Variants in NFATC4 observed in about 807,000 individuals in gnomAD.
NFATC4 encodes the protein nuclear factor of activated T cells 4, also known as nuclear factor of activated T-cells, cytoplasmic 4.
A neutral mutation model predicts 73.4 loss-of-function variants in NFATC4; 25 were observed. The ratio of observed to expected loss-of-function variants is 0.34; its 90% CI spans 0.25 to 0.48. The LOEUF (loss-of-function observed/expected upper bound fraction) is 0.48, where lower values mean the gene tolerates loss of function less well. NFATC4 is among the 20% of genes least tolerant of loss of function. The probability of loss-of-function intolerance (pLI) is 0.99; values close to 1 mark genes in which losing one functional copy is unlikely to be tolerated. For missense variants in NFATC4, 1,130 were observed against 1,203.7 expected (o/e 0.94, Z 0.91); for synonymous variants, 523 against 510.3 (o/e 1.02, Z -0.34).
rs201492289 is a variant in NFATC4 at position 24,376,024 on chromosome 14, G to A, written c.1979G>A (p.Arg660Gln). The change falls in exon 8 of 10, where the codon CGG becomes CAG. Residue 660 changes from arginine (R) to glutamine (Q), a missense_variant. By Grantham distance (43) the Arg-to-Gln change is conservative. Coordinates refer to ENST00000250373, the MANE Select transcript of NFATC4 (RefSeq NM_004554.5). The surrounding 1 kb of genome is among the most constrained non-coding windows in gnomAD (Gnocchi z 5.0). Reference protein sequence around the residue: ...VPEYSNKRVSRPVQVYFYVSN... With the variant: ...VPEYSNKRVSQPVQVYFYVSN... ...GAGTACAGCAACAAGAGGGTTTCCC[G>A]GCCAGTCCAGGTCTACTTTTATGTC... 67 of 1,614,020 alleles carry A rather than the reference G, an allele frequency of 4.2e-5. 1 individual carries two copies. Among genetic ancestry groups the A allele is most frequent in the African/African-American group, 1.7e-4 (13 of 74,988 alleles).
At chr14:24,374,793 C>A (rs1474214209) in intron 6 of NFATC4, 1 of 190,332 alleles carries the variant, frequency 5.3e-6, no homozygotes, top group Non-Finnish European at 1.1e-5. Flanking sequence ...CACAGCTGCC[C>A]GCTGGGCCCC....
At chr14:24,374,645 A>G in intron 6 of NFATC4, 179 bp downstream of exon 6, 1 of 571,832 alleles carries the variant, frequency 1.7e-6, no homozygotes, top group South Asian at 2.5e-5. Flanking sequence ...TGGGTATGAC[A>G]GCAATCTAAA....
rs924164190 is a variant in NFATC4 at position 24,377,088 on chromosome 14, G to A, written c.2641+210G>A. 7.5e-7 allele frequency: 1 copy of A among 1,328,222 alleles called. No homozygotes were observed. Among genetic ancestry groups the A allele is most frequent in the Admixed American group, 3.6e-5 (1 of 27,832 alleles). The allele number at this position is 1,328,222 out of a possible 1,614,324, so 82.3% of individuals were successfully genotyped here. On this transcript the variant is annotated intron_variant, in intron 9 of 9. Coordinates refer to ENST00000250373, the MANE Select transcript of NFATC4 (RefSeq NM_004554.5). The surrounding 1 kb of genome is among the most constrained non-coding windows in gnomAD (Gnocchi z 4.2). ...AAGAGTGCATGGGGTAACTGTCTCA[G>A]CCTTTCTCCTGTCTCTGCCTCTGTC...
intron 6 of NFATC4, among the ~76,000 whole-genome samples, chr14:24,374,862 G>A (rs1282319231): frequency 6.6e-6 from 1 of 152,172 alleles, no homozygotes; most frequent in Admixed American, 6.5e-5. Context: ...TGGAGCTACA[G>A]GAGTGGAGGA....
In NFATC4 at chr14:24,375,682, G is replaced by A; in HGVS notation, c.1896G>A (p.Glu632=). ...CAGATGGGAAGCTGCAATGGGAGGA[G>A]GAGGCCACAGTGAACCGACTGCAGA... ...RGPDGKLQWE[E]EATVNRLQSN... Residue 632 remains glutamate (E), a synonymous_variant, in exon 7 of 10, where the codon GAG becomes GAA. Coordinates refer to ENST00000250373, the MANE Select transcript of NFATC4 (RefSeq NM_004554.5). 6 of 1,559,750 alleles carry A rather than the reference G, an allele frequency of 3.8e-6. No individual in the cohort carries two copies. Among genetic ancestry groups the A allele is most frequent in the Non-Finnish European group, 5.2e-6 (6 of 1,151,140 alleles).
chr14:24,372,510 G>A lies in NFATC4; in HGVS notation c.1266G>A (p.Glu422=). The change falls in exon 3 of 10, where the codon GAG becomes GAA. Residue 422 remains glutamate (E), a synonymous_variant. Coordinates refer to ENST00000250373, the MANE Select transcript of NFATC4 (RefSeq NM_004554.5). The stretch of plus-strand genomic sequence containing the variant: ...ATGAGCAGCTGGAGCTGAGGATCGA[G>A]GTACAGCCTAGAGCCCACCACCGGG... ...SQYEQLELRI[E]VQPRAHHRAH... 1.2e-6 allele frequency: 2 copies of A among 1,614,076 alleles called. No homozygotes were observed. Among genetic ancestry groups the A allele is most frequent in the Non-Finnish European group, 1.7e-6 (2 of 1,180,046 alleles).
In NFATC4 at chr14:24,369,731, C is replaced by T. The variant is rs55651033; in HGVS notation, c.333C>T (p.Leu111=). Residue 111 remains leucine (L), a synonymous_variant, in exon 2 of 10, where the codon CTC becomes CTT. Transcript: ENST00000250373. ...GAGGAGGGRV[L]ECPSIRITSI... Reference sequence around the variant, plus strand: ...GGGGTGCTGGGGGTGGCCGTGTTCTCGAGTGTCCCAGCATCCGCATCACCT... The same window carrying T: ...GGGGTGCTGGGGGTGGCCGTGTTCTTGAGTGTCCCAGCATCCGCATCACCT... 999 of 1,609,568 alleles carry T rather than the reference C, an allele frequency of 6.2e-4. 14 individuals are homozygous for T. The East Asian group carries it at 0.019, about 30-fold the overall frequency.
At chr14:24,371,527 G>C (rs1000958576) in intron 2 of NFATC4, among the ~76,000 whole-genome samples, 2 of 152,146 alleles carry the variant, frequency 1.3e-5, no homozygotes, top group African/African-American at 2.4e-5. Flanking sequence ...ACTGTCCTAG[G>C]GTATCAGGGA....
At position 24,373,828 on chromosome 14, in the gene NFATC4, G is replaced by T. The variant is rs966630689; in HGVS notation, c.1693G>T (p.Val565Phe). The change falls in exon 5 of 10, where the codon GTC (valine) becomes TTC (phenylalanine). Residue 565 changes from valine (V) to phenylalanine (F), a missense_variant. Physicochemically the swap from Val to Phe is conservative, Grantham distance 50 (BLOSUM62 -1). Coordinates refer to ENST00000250373, the MANE Select transcript of NFATC4 (RefSeq NM_004554.5). The surrounding 1 kb of genome is among the most constrained non-coding windows in gnomAD (Gnocchi z 4.7). ...RVHVPQGGGK[V>F]VSVQAASVPI... is the part of the protein sequence containing the mutation. ...ACACGTGCCCCAGGGCGGCGGGAAG[G>T]TCGTCTCAGTACAGGCAGCATCGGT... The T allele has an allele frequency of 6.2e-6, 10 of 1,613,962 alleles. No homozygotes were observed. The highest frequency in any genetic ancestry group is 4.0e-5 in the African/African-American group (3 of 74,938).
Position 24,376,218 on chromosome 14 carries a change from A to G in NFATC4, c.2057-76A>G. The G allele has an allele frequency of 1.3e-6, 2 of 1,571,102 alleles. No homozygotes were observed. Among genetic ancestry groups the G allele is most frequent in the Non-Finnish European group, 1.7e-6 (2 of 1,156,636 alleles). On this transcript the variant is annotated intron_variant, in intron 8 of 9. Coordinates refer to ENST00000250373, the MANE Select transcript of NFATC4 (RefSeq NM_004554.5). The surrounding 1 kb of genome is among the most constrained non-coding windows in gnomAD (Gnocchi z 5.0). ...GGGGTGAATGGAACCTGGGAGGAGCAGGCAGCTGGAAGGTGTGCAGTGGGG... is the reference window on the plus strand; with the variant it reads ...GGGGTGAATGGAACCTGGGAGGAGCGGGCAGCTGGAAGGTGTGCAGTGGGG...
chr14:24,368,019 TGAAGAGAGGACAGAGGGAGG>T, upstream of NFATC4: 1 of 929,214 alleles, frequency 1.1e-6, no homozygotes, highest in Non-Finnish European at 1.2e-6. Flanking sequence ...GGGGAGGGAC[TGAAGAGAGGACAGAGGGAGG>T]GAGGGTGGGG....
intron 3 of NFATC4, 84 bp downstream of exon 3, chr14:24,372,687 C>T: frequency 6.5e-7 from 1 of 1,543,236 alleles, no homozygotes. Context: ...CTGCCCTTTC[C>T]CACACTCCCT....
rs2042620650 is a variant in NFATC4, at chr14:24,376,429, C to T, written c.2192C>T (p.Ala731Val). 2 of 1,613,822 alleles carry T rather than the reference C, an allele frequency of 1.2e-6. No homozygotes were observed. Among genetic ancestry groups the T allele is most frequent in the African/African-American group, 2.7e-5 (2 of 74,960 alleles). Residue 731 changes from alanine to valine, a missense_variant, in exon 9 of 10, where the codon GCT becomes GTT. Physicochemically the swap from Ala to Val is moderately conservative, Grantham distance 64. This residue lies in a region of NFATC4 where 390 missense variants were observed against 408.1 expected (regional missense o/e 0.96). Coordinates refer to ENST00000250373, the MANE Select transcript of NFATC4 (RefSeq NM_004554.5). This position sits in a 1 kb window ranked among gnomAD's most constrained non-coding sequence, Gnocchi z 5.0. ...CCCTCCTATCCCCATGAAGACCCTG[C>T]TTGCGAAACTCCTTACCTATCAGAA... is the stretch of plus-strand genomic sequence containing the variant. The part of the protein sequence containing the change: ...PYPSYPHEDP[A>V]CETPYLSEGF...
chr14:24,366,943 G>A (rs1044168792), upstream of NFATC4: 38 of 1,549,974 alleles, frequency 2.5e-5, no homozygotes, highest in East Asian at 3.2e-4. Context: ...TCGCTTAACC[G>A]TTTAGTTGCT....
At chr14:24,375,754 T>A in intron 7 of NFATC4, 39 bp downstream of exon 7, 1 of 525,614 alleles carries the variant, frequency 1.9e-6, no homozygotes, top group Non-Finnish European at 3.3e-6. Context: ...GGGGCGGGGG[T>A]GGGAGAAGGC....
intron 7 of NFATC4, 44 bp downstream of exon 7, chr14:24,375,759 G>GCCC: frequency 1.3e-4 from 81 of 616,828 alleles, no homozygotes; most frequent in Non-Finnish European, 2.2e-4. Flanking sequence ...GGGGGTGGGA[G>GCCC]AAGGCAGGGG....
Position 24,373,457 on chromosome 14 carries a change from C to A in NFATC4, c.1559+87C>A. On this transcript the variant is annotated intron_variant, in intron 4 of 9. Coordinates refer to ENST00000250373, the MANE Select transcript of NFATC4 (RefSeq NM_004554.5). This position sits in a 1 kb window ranked among gnomAD's most constrained non-coding sequence, Gnocchi z 4.7. The stretch of plus-strand genomic sequence containing the variant: ...TATGCTAGCCCACTTCTTCCTTTTC[C>A]CAGAAGAGGTAGACATTTTTCCTAG... The A allele has an allele frequency of 6.7e-7, 1 of 1,492,510 alleles. No homozygotes were observed. Among genetic ancestry groups the A allele is most frequent in the South Asian group, 1.2e-5 (1 of 81,372 alleles). 92.5% of individuals were successfully genotyped at this position (1,492,510 alleles called of 1,614,324 possible). A position where few individuals can be genotyped will look rare whatever the true frequency, so the allele number is the denominator to read the frequency against.
chr14:24,377,570 G>A lies in NFATC4; in HGVS notation c.2642-68G>A. 1.9e-6 allele frequency: 3 copies of A among 1,611,812 alleles called. No homozygotes were observed. The highest frequency in any genetic ancestry group is 2.5e-6 in the Non-Finnish European group (3 of 1,178,650). ...ATTAAGACCTGCCTGGAATGGATTGGGGGTGGGTCTTTGGAAAAGGAGGGG... is the reference window on the plus strand; with the variant it reads ...ATTAAGACCTGCCTGGAATGGATTGAGGGTGGGTCTTTGGAAAAGGAGGGG... On this transcript the variant is annotated intron_variant, in intron 9 of 9. Transcript: ENST00000250373. The surrounding 1 kb of genome is among the most constrained non-coding windows in gnomAD (Gnocchi z 4.2).
At position 24,376,516 on chromosome 14, in the gene NFATC4, C is replaced by A. The variant is rs527523977; in HGVS notation, c.2279C>A (p.Pro760Gln). ...ACGGGGCCCCCACCATCCTACAGAC[C>A]GGGCCTGCGGATGTTCCCTGAGACT... ...PQTGPPPSYR[P>Q]GLRMFPETRG... The change falls in exon 9 of 10, where the codon CCG (proline) becomes CAG (glutamine). Residue 760 changes from proline (P) to glutamine (Q), a missense_variant. Around this residue, in one of 3 missense-constraint regions of NFATC4, gnomAD observed 390 missense variants for 408.1 expected, o/e 0.96. Coordinates refer to ENST00000250373, the MANE Select transcript of NFATC4 (RefSeq NM_004554.5). This position sits in a 1 kb window ranked among gnomAD's most constrained non-coding sequence, Gnocchi z 5.0. 20 of 1,613,938 alleles carry A rather than the reference C, an allele frequency of 1.2e-5. No homozygotes were observed. The highest frequency in any genetic ancestry group is 1.7e-4 in the Middle Eastern group (1 of 6,058).
Sources: allele counts gnomAD v4.1 joint callset (sites outside exome capture counted in the v4.1 genomes callset), GRCh38; gene constraint gnomAD v4.1.1; regional missense constraint gnomAD v4.1.1; non-coding constraint Gnocchi (gnomAD v3.1); transcripts MANE v1.5; gene names NCBI Gene and HGNC (gene_info 2026-07-23, HGNC 2026-07-21).